The following CSNK1G1 variants were observed in gnomAD, a reference collection of about 807,000 sequenced individuals.
The protein encoded by CSNK1G1 is casein kinase I isoform gamma-1.
Under a neutral mutation model 59.6 loss-of-function variants are expected in CSNK1G1, and 22 were observed. That is an observed-to-expected ratio of 0.37 (90% CI 0.26 to 0.53). The LOEUF (loss-of-function observed/expected upper bound fraction) is 0.53. CSNK1G1 is among the 20% of genes least tolerant of loss of function. The pLI, the probability that CSNK1G1 is intolerant of heterozygous loss-of-function variation, is 0.89. For missense variants in CSNK1G1, 384 were observed against 519.5 expected (o/e 0.74, Z 2.54); for synonymous variants, 179 against 177.1 (o/e 1.01, Z -0.08).
intron 1 of CSNK1G1, among the ~76,000 whole-genome samples, chr15:64,308,989 A>C (rs1436472634): frequency 6.6e-6 from 1 of 151,994 alleles, no homozygotes; most frequent in Non-Finnish European, 1.5e-5. Context: ...CTGTTCCCTT[A>C]TATTTTATGT....
intron 10 of CSNK1G1, among the ~76,000 whole-genome samples, chr15:64,199,809 CGCCACTGCACACCACCCTGG>C (rs1482483085): frequency 2.0e-5 from 3 of 151,254 alleles, no homozygotes; most frequent in Non-Finnish European, 2.9e-5. Flanking sequence ...CGCGAGATCG[CGCCACTGCACACCACCCTGG>C]GCGACAGAGC....
At position 64,189,780 on chromosome 15, in the gene CSNK1G1, T is replaced by C. The variant is rs148456050; in HGVS notation, c.1108-9326A>G. Among the ~76,000 whole-genome samples, 270 of 151,770 alleles carry C rather than the reference T, an allele frequency of 1.8e-3. 1 individual carries two copies. Among genetic ancestry groups the C allele is most frequent in the Middle Eastern group, 3.4e-3 (1 of 292 alleles). ...TAAGTCACCAAAAAGGCATTTCTCGTAAAAATCAGAGCTTTGTACACCAGC... is the reference window on the plus strand; with the variant it reads ...TAAGTCACCAAAAAGGCATTTCTCGCAAAAATCAGAGCTTTGTACACCAGC... On this transcript the variant is annotated intron_variant, in intron 10 of 11. Coordinates refer to ENST00000303052, the MANE Select transcript of CSNK1G1 (RefSeq NM_022048.5).
intron 1 of CSNK1G1, among the ~76,000 whole-genome samples, chr15:64,313,805 C>A (rs868349605): frequency 1.1e-3 from 156 of 143,842 alleles, no homozygotes; most frequent in East Asian, 6.7e-3. Context: ...AAAAAAAAAA[C>A]CCCAAAAACC....
At chr15:64,202,855 GCTGA>G (rs1425850815) in intron 10 of CSNK1G1, among the ~76,000 whole-genome samples, 1 of 152,110 alleles carries the variant, frequency 6.6e-6, no homozygotes, top group Non-Finnish European at 1.5e-5. Context: ...ACTTGGCCAG[GCTGA>G]CTCTTTAGAC....
intron 1 of CSNK1G1, among the ~76,000 whole-genome samples, chr15:64,354,627 C>T (rs1179911814): frequency 6.6e-6 from 1 of 151,808 alleles, no homozygotes; most frequent in African/African-American, 2.4e-5. Context: ...TCAAAATTAT[C>T]CGGTTGCTTT....
intron 4 of CSNK1G1, among the ~76,000 whole-genome samples, chr15:64,238,042 A>C (rs1291724961): frequency 6.6e-6 from 1 of 152,134 alleles, no homozygotes. Flanking sequence ...TAAAAAACTC[A>C]AGGCCATAAA....
chr15:64,264,070 TAGAAAGTTCTTGTG>T lies in CSNK1G1; in HGVS notation c.182-4843_182-4830del, dbSNP rs1232386050. Reference sequence around the variant, plus strand: ...AGTGAACAACTTGACTTGATATATGTAGAAAGTTCTTGTGAGAAAGTTCTTGGGTGATAAAAAAG... The same window carrying T: ...AGTGAACAACTTGACTTGATATATGTAGAAAGTTCTTGGGTGATAAAAAAG... On this transcript the variant is annotated intron_variant, in intron 2 of 11. Transcript: ENST00000303052. Among the ~76,000 whole-genome samples the T allele has an allele frequency of 3.8e-4, 58 of 152,162 alleles. 2 individuals are homozygous for T.
intron 2 of CSNK1G1, among the ~76,000 whole-genome samples, chr15:64,278,434 T>TTC (rs1566931081): frequency 0.011 from 1,404 of 130,150 alleles, 25 homozygotes; most frequent in African/African-American, 0.037. Context: ...ATATATATAT[T>TTC]TTTTTTTTTT....
chr15:64,342,322 T>C (rs1054654837), intron 1 of CSNK1G1, among the ~76,000 whole-genome samples: 1 of 152,224 alleles, frequency 6.6e-6, no homozygotes, highest in Non-Finnish European at 1.5e-5. Flanking sequence ...TGGCTTGCTG[T>C]GAGAATAAAA....
intron 3 of CSNK1G1, among the ~76,000 whole-genome samples, chr15:64,254,451 C>T (rs2140323134): frequency 6.7e-6 from 1 of 150,188 alleles, no homozygotes; most frequent in East Asian, 2.0e-4. Context: ...CCTCCTGGTT[C>T]AGCGATTTTC....
intron 2 of CSNK1G1, among the ~76,000 whole-genome samples, chr15:64,282,107 T>G (rs1894173741): frequency 6.6e-6 from 1 of 151,460 alleles, no homozygotes. Context: ...TTTAACATTT[T>G]TTGTGGAGAT....
At chr15:64,291,438 A>C (rs1053282202) in intron 2 of CSNK1G1, among the ~76,000 whole-genome samples, 4 of 152,082 alleles carry the variant, frequency 2.6e-5, no homozygotes, top group Non-Finnish European at 5.9e-5. Context: ...AATACAAAAA[A>C]TTAGCTGGGT....
chr15:64,299,327 G>A (rs1194351781), intron 2 of CSNK1G1, among the ~76,000 whole-genome samples: 1 of 151,696 alleles, frequency 6.6e-6, no homozygotes, highest in Non-Finnish European at 1.5e-5. Flanking sequence ...GGTGGCTCAC[G>A]CCTGTAATCC....
At chr15:64,260,498 G>A (rs1892635339) in intron 2 of CSNK1G1, among the ~76,000 whole-genome samples, 2 of 152,056 alleles carry the variant, frequency 1.3e-5, no homozygotes, top group African/African-American at 2.4e-5. Context: ...AACACTTTGG[G>A]AGGCTGAGGC....
intron 1 of CSNK1G1, among the ~76,000 whole-genome samples, chr15:64,305,122 T>A (rs1895598836): frequency 6.6e-6 from 1 of 152,138 alleles, no homozygotes; most frequent in South Asian, 2.1e-4. Flanking sequence ...CCAACAAATT[T>A]CCCCTTCTGT....
chr15:64,353,665 G>C (rs1165615263), intron 1 of CSNK1G1, among the ~76,000 whole-genome samples: 2 of 126,932 alleles, frequency 1.6e-5, no homozygotes, highest in Non-Finnish European at 3.5e-5. Flanking sequence ...AAAAAAAAAA[G>C]AAAGAAAAAG....
rs1048686731 is a variant in CSNK1G1, at chr15:64,171,752, A to G, written c.*179T>C. 1.9e-5 allele frequency: 12 copies of G among 632,980 alleles called. No homozygotes were observed. The highest frequency in any genetic ancestry group is 1.1e-4 in the East Asian group (4 of 37,606). The allele number at this position is 632,980 out of a possible 1,614,324, so 39.2% of individuals were successfully genotyped here. On this transcript the variant is annotated 3_prime_UTR_variant, in exon 12 of 12. Coordinates refer to ENST00000303052, the MANE Select transcript of CSNK1G1 (RefSeq NM_022048.5). The surrounding 1 kb of genome is among the most constrained non-coding windows in gnomAD (Gnocchi z 4.8). ...AGCCTTAGGCAGGCGGAGATGGCCA[A>G]TGACCCACTAGGCCCTGGCTGCCCG...
At chr15:64,281,534 T>C (rs1200712020) in intron 2 of CSNK1G1, among the ~76,000 whole-genome samples, 1 of 152,148 alleles carries the variant, frequency 6.6e-6, no homozygotes, top group Non-Finnish European at 1.5e-5. Context: ...GAGTTTCCAA[T>C]TCACAAGATG....
At chr15:64,256,454 T>G (rs1892375708) in intron 3 of CSNK1G1, among the ~76,000 whole-genome samples, 1 of 152,212 alleles carries the variant, frequency 6.6e-6, no homozygotes, top group South Asian at 2.1e-4. Context: ...AGGGTCTTAT[T>G]ATGAAGACTG....
Sources: gnomAD v4.1 joint callset for allele counts (sites outside exome capture counted in the v4.1 genomes callset) on GRCh38, gnomAD v4.1.1 for gene constraint, Gnocchi (gnomAD v3.1) non-coding constraint, MANE v1.5 for transcripts, NCBI Gene and HGNC (gene_info 2026-07-23, HGNC 2026-07-21) for gene names.